Variants in SH2D4A observed in about 807,000 individuals in gnomAD.
The protein encoded by SH2D4A is SH2 domain-containing protein 4A.
SH2D4A carries 70 observed loss-of-function variants against 64.7 expected under a neutral mutation model. The observed-to-expected ratio is 1.08, with a 90% CI of 0.89 to 1.32. SH2D4A has a LOEUF of 1.32. Ranked by LOEUF, SH2D4A falls within the 40% of genes most tolerant of loss-of-function variation. The pLI is 0.00. For missense variants in SH2D4A, 706 were observed against 540.1 expected (o/e 1.31, Z -3.04); for synonymous variants, 268 against 200.7 (o/e 1.34, Z -2.83).
chr8:19,349,715 A>T (rs1419509005), intron 4 of SH2D4A, among the ~76,000 whole-genome samples: 2 of 152,252 alleles, frequency 1.3e-5, no homozygotes, highest in Admixed American at 6.5e-5. Flanking sequence ...AGTGTTTTGT[A>T]AAGCATTACA....
chr8:19,363,443 G>A (rs1171745433), intron 6 of SH2D4A, among the ~76,000 whole-genome samples: 3 of 152,070 alleles, frequency 2.0e-5, no homozygotes, highest in African/African-American at 7.2e-5. Flanking sequence ...GCATTTCTCA[G>A]GATTTATTTC....
At chr8:19,379,524 G>T (rs890705547) in intron 8 of SH2D4A, among the ~76,000 whole-genome samples, 2 of 152,146 alleles carry the variant, frequency 1.3e-5, no homozygotes, top group African/African-American at 4.8e-5. Flanking sequence ...GTTCTTTTGG[G>T]TATTTACCCA....
At chr8:19,392,061 TTATCTATTCATTGATGGATTA>T (rs1272880050) in intron 8 of SH2D4A, among the ~76,000 whole-genome samples, 12 of 152,146 alleles carry the variant, frequency 7.9e-5, no homozygotes, top group Non-Finnish European at 5.9e-5. Flanking sequence ...TTTTACAGCA[TTATCTATTCATTGATGGATTA>T]TGATGGGAAT....
chr8:19,361,589 G>A (rs1027117874), intron 6 of SH2D4A, among the ~76,000 whole-genome samples: 1 of 152,178 alleles, frequency 6.6e-6, no homozygotes, highest in African/African-American at 2.4e-5. Context: ...GTTTTGGAGA[G>A]TGTTTAATGA....
At chr8:19,341,908 A>T (rs1376234714) in intron 4 of SH2D4A, among the ~76,000 whole-genome samples, 1 of 151,926 alleles carries the variant, frequency 6.6e-6, no homozygotes, top group African/African-American at 2.4e-5. Flanking sequence ...AATACTCCAG[A>T]CCTGAGTCAG....
In SH2D4A at chr8:19,313,778, A is replaced by T; in HGVS notation, c.-250A>T. The T allele has an allele frequency of 1.3e-6, 2 of 1,512,156 alleles. No individual in the cohort carries two copies. The highest frequency in any genetic ancestry group is 1.8e-6 in the Non-Finnish European group (2 of 1,135,718). The allele number at this position is 1,512,156 out of a possible 1,614,324, so 93.7% of individuals were successfully genotyped here. On this transcript the variant is annotated 5_prime_UTR_variant, in exon 1 of 10. It removes an upstream start codon present in the reference 5' UTR. Coordinates refer to ENST00000265807, the MANE Select transcript of SH2D4A (RefSeq NM_022071.4). ...CCGACGGCTTCTGGCGGCCAAGTGG[A>T]TGTGGCGGGTGATCGAGCCACCCTG...
At chr8:19,359,317 A>G (rs1410753061) in intron 5 of SH2D4A, among the ~76,000 whole-genome samples, 1 of 152,194 alleles carries the variant, frequency 6.6e-6, no homozygotes, top group African/African-American at 2.4e-5. Flanking sequence ...TAGACATTTG[A>G]GTAACATCAA....
At chr8:19,336,518 C>A (rs981032870) in intron 4 of SH2D4A, among the ~76,000 whole-genome samples, 1 of 152,210 alleles carries the variant, frequency 6.6e-6, no homozygotes, top group Admixed American at 6.5e-5. Flanking sequence ...ACCCCTCCAA[C>A]CAAGAACAAC....
intron 4 of SH2D4A, among the ~76,000 whole-genome samples, chr8:19,347,802 C>T (rs894055264): frequency 3.3e-5 from 5 of 152,140 alleles, no homozygotes; most frequent in Admixed American, 6.5e-5. Context: ...GATTAAAAAG[C>T]CTTGAGCAAA....
chr8:19,329,264 T>C (rs2052332941), intron 2 of SH2D4A, among the ~76,000 whole-genome samples: 3 of 152,182 alleles, frequency 2.0e-5, no homozygotes, highest in Non-Finnish European at 2.9e-5. Context: ...ATCCCCTGAA[T>C]CCTCACTGGA....
chr8:19,335,043 G>T (rs1363357013), intron 4 of SH2D4A, among the ~76,000 whole-genome samples, 186 bp downstream of exon 4: 1 of 152,048 alleles, frequency 6.6e-6, no homozygotes, highest in Non-Finnish European at 1.5e-5. Context: ...CAGCACTTTG[G>T]GAGGCCAAGG....
intron 4 of SH2D4A, among the ~76,000 whole-genome samples, chr8:19,350,210 C>T (rs2052678561): frequency 6.6e-6 from 1 of 152,156 alleles, no homozygotes; most frequent in African/African-American, 2.4e-5. Flanking sequence ...CTATTTCAGG[C>T]GTCTCCCTGG....
chr8:19,315,489 A>G (rs923879715), intron 1 of SH2D4A, among the ~76,000 whole-genome samples: 1 of 152,210 alleles, frequency 6.6e-6, no homozygotes, highest in Non-Finnish European at 1.5e-5. Context: ...TATTTTGTTT[A>G]GGTCTCAGAG....
chr8:19,319,527 A>G lies in SH2D4A; in HGVS notation c.-21A>G. 1 of 1,473,162 alleles carries G rather than the reference A, an allele frequency of 6.8e-7. No individual in the cohort carries two copies. The highest frequency in any genetic ancestry group is 9.0e-7 in the Non-Finnish European group (1 of 1,108,870). 91.3% of individuals were successfully genotyped at this position (1,473,162 alleles called of 1,614,324 possible). A position where few individuals can be genotyped will look rare whatever the true frequency, so the allele number is the denominator to read the frequency against. ...TTCAGGAACTTTTGCCACAAGTATAAAAGACTTCAGAAGTGCAAAGATGCT... is the reference window on the plus strand; with the variant it reads ...TTCAGGAACTTTTGCCACAAGTATAGAAGACTTCAGAAGTGCAAAGATGCT... On this transcript the variant is annotated 5_prime_UTR_variant, in exon 2 of 10. Transcript: ENST00000265807.
At chr8:19,389,019 T>TTGAGTGCTCAGATGGAGG (rs987895523) in intron 8 of SH2D4A, among the ~76,000 whole-genome samples, 2 of 152,156 alleles carry the variant, frequency 1.3e-5, no homozygotes, top group African/African-American at 4.8e-5. Flanking sequence ...CATTGACCAC[T>TTGAGTGCTCAGATGGAGG]TGAGTGCTCA....
intron 7 of SH2D4A, among the ~76,000 whole-genome samples, chr8:19,366,091 T>C (rs1297421271): frequency 1.3e-5 from 2 of 152,154 alleles, no homozygotes; most frequent in African/African-American, 4.8e-5. Flanking sequence ...TAAAGAACCA[T>C]AAGTTGGTCA....
intron 4 of SH2D4A, among the ~76,000 whole-genome samples, chr8:19,343,856 G>C (rs928893121): frequency 6.6e-6 from 1 of 152,208 alleles, no homozygotes; most frequent in Non-Finnish European, 1.5e-5. Context: ...TCACGTTCTA[G>C]GAGGCCAGTG....
chr8:19,386,967 A>G (rs1375635041), intron 8 of SH2D4A, among the ~76,000 whole-genome samples: 2 of 151,766 alleles, frequency 1.3e-5, no homozygotes, highest in Non-Finnish European at 2.9e-5. Flanking sequence ...TGTTCTTTGT[A>G]GAGATGGGGT....
intron 8 of SH2D4A, among the ~76,000 whole-genome samples, chr8:19,382,515 T>C (rs1254480267): frequency 6.6e-6 from 1 of 152,306 alleles, no homozygotes; most frequent in East Asian, 1.9e-4. Flanking sequence ...TAAAATAGTC[T>C]TTGTGTTAGA....
Sources: gnomAD v4.1 joint callset for allele counts (sites outside exome capture counted in the v4.1 genomes callset) on GRCh38, gnomAD v4.1.1 for gene constraint, MANE v1.5 for transcripts, NCBI Gene and HGNC (gene_info 2026-07-23, HGNC 2026-07-21) for gene names.